Variants in PIP5K1B observed in about 807,000 individuals in gnomAD.
PIP5K1B encodes the protein phosphatidylinositol-4-phosphate 5-kinase type 1 beta.
Under a neutral mutation model 67.0 loss-of-function variants are expected in PIP5K1B, and 42 were observed. The observed-to-expected ratio is 0.63, with a 90% CI of 0.49 to 0.81. The LOEUF (loss-of-function observed/expected upper bound fraction) is 0.81, where lower values mean the gene tolerates loss of function less well. Among genes scored for constraint, PIP5K1B ranks in the 30% least tolerant of loss-of-function variants. The pLI, the probability that PIP5K1B is intolerant of heterozygous loss-of-function variation, is 0.00. For synonymous variants in PIP5K1B, 214 were observed against 231.4 expected (o/e 0.92, Z 0.68); for missense variants, 459 against 646.3 (o/e 0.71, Z 3.14).
chr9:68,893,413 A>G (rs1053794508), intron 7 of PIP5K1B, among the ~76,000 whole-genome samples: 3 of 136,258 alleles, frequency 2.2e-5, no homozygotes, highest in African/African-American at 5.5e-5. Flanking sequence ...GGCTTAGTGC[A>G]ACCTCTGCCT....
chr9:68,835,044 A>G (rs1834525997), intron 4 of PIP5K1B, among the ~76,000 whole-genome samples: 1 of 152,192 alleles, frequency 6.6e-6, no homozygotes, highest in African/African-American at 2.4e-5. Context: ...AGGATTTGGG[A>G]TCGTTTGGCA....
At chr9:68,994,037 ATTTTT>A (rs67700788) in intron 15 of PIP5K1B, among the ~76,000 whole-genome samples, 1 of 118,592 alleles carries the variant, frequency 8.4e-6, no homozygotes, top group Non-Finnish European at 1.7e-5. Flanking sequence ...TTTTTCCTGA[ATTTTT>A]TTTTTTTTTT....
Position 68,856,808 on chromosome 9 carries a change from A to T in PIP5K1B, c.70-7029A>T, listed in dbSNP as rs116455715. On this transcript the variant is annotated intron_variant, in intron 4 of 15. Transcript: ENST00000265382. Reference sequence around the variant, plus strand: ...TGGGGGCAACACGGGAAAAAATGCCAGGGTCAATCCTGAAGTAGAGGAGTG... The same window carrying T: ...TGGGGGCAACACGGGAAAAAATGCCTGGGTCAATCCTGAAGTAGAGGAGTG... Among the ~76,000 whole-genome samples, 1,307 of 152,332 alleles carry T rather than the reference A, an allele frequency of 8.6e-3. 21 individuals carry two copies. Among genetic ancestry groups the T allele is most frequent in the African/African-American group, 0.03 (1,257 of 41,564 alleles).
chr9:68,790,400 A>G (rs1490562484), intron 2 of PIP5K1B, among the ~76,000 whole-genome samples: 1 of 152,246 alleles, frequency 6.6e-6, no homozygotes, highest in Non-Finnish European at 1.5e-5. Context: ...GGAACAAACC[A>G]TCAAAAACCA....
intron 2 of PIP5K1B, among the ~76,000 whole-genome samples, chr9:68,800,664 C>T (rs927613460): frequency 4.6e-5 from 7 of 152,190 alleles, no homozygotes; most frequent in Non-Finnish European, 7.3e-5. Context: ...TCAGCTGCCA[C>T]GCTCTGTATC....
At chr9:68,737,017 T>C (rs1344896858) in intron 1 of PIP5K1B, among the ~76,000 whole-genome samples, 1 of 152,210 alleles carries the variant, frequency 6.6e-6, no homozygotes, top group African/African-American at 2.4e-5. Flanking sequence ...TATAATTATA[T>C]ACTTTGACCT....
chr9:68,928,737 T>C (rs1454639565), intron 12 of PIP5K1B, among the ~76,000 whole-genome samples: 1 of 152,252 alleles, frequency 6.6e-6, no homozygotes, highest in African/African-American at 2.4e-5. Flanking sequence ...AAAATAGTCC[T>C]GCTACAGTGG....
Position 68,919,443 on chromosome 9 carries a change from T to C in PIP5K1B, c.984-36T>C, listed in dbSNP as rs747501321. On this transcript the variant is annotated intron_variant, in intron 9 of 15. Coordinates refer to ENST00000265382, the MANE Select transcript of PIP5K1B (RefSeq NM_003558.4). ...TTTTTAACTTCCTATTCTTATAATA[T>C]GTAATCAAATATTTTCTCTTTTGCT... 8 of 990,852 alleles carry C rather than the reference T, an allele frequency of 8.1e-6. No homozygotes were observed. In the Admixed American group the frequency reaches 9.2e-5, roughly 11 times the overall value. 61.4% of individuals were successfully genotyped at this position (990,852 alleles called of 1,614,324 possible).
chr9:68,814,017 G>T (rs1043294394), intron 2 of PIP5K1B, among the ~76,000 whole-genome samples: 1 of 152,196 alleles, frequency 6.6e-6, no homozygotes, highest in African/African-American at 2.4e-5. Flanking sequence ...CGCACAAAAT[G>T]AAAGTCCCAC....
intron 14 of PIP5K1B, among the ~76,000 whole-genome samples, chr9:68,979,016 G>T (rs62569167): frequency 0.13 from 19,194 of 152,172 alleles, 1,319 homozygotes; most frequent in East Asian, 0.25. Context: ...ACTATTCCTT[G>T]TTCCTTTGAT....
chr9:68,865,723 C>A (rs1373259759), intron 5 of PIP5K1B, among the ~76,000 whole-genome samples: 2 of 152,208 alleles, frequency 1.3e-5, no homozygotes, highest in Non-Finnish European at 2.9e-5. Context: ...AACACTGGCA[C>A]ACCTGGAACT....
At chr9:68,861,390 T>C (rs1331431969) in intron 4 of PIP5K1B, among the ~76,000 whole-genome samples, 3 of 152,212 alleles carry the variant, frequency 2.0e-5, no homozygotes, top group Non-Finnish European at 4.4e-5. Context: ...GTATACCCAG[T>C]GATTCTCATG....
At chr9:68,846,347 CA>C (rs1374551187) in intron 4 of PIP5K1B, among the ~76,000 whole-genome samples, 1 of 152,172 alleles carries the variant, frequency 6.6e-6, no homozygotes, top group Non-Finnish European at 1.5e-5. Context: ...ATTGCTATGC[CA>C]GTCATTTAAA....
intron 2 of PIP5K1B, among the ~76,000 whole-genome samples, chr9:68,803,348 G>GT (rs1832705963): frequency 6.6e-6 from 1 of 152,228 alleles, no homozygotes; most frequent in Non-Finnish European, 1.5e-5. Context: ...GTAGGTTGCA[G>GT]TTAAACCCAT....
chr9:68,715,592 C>A (rs925615922), intron 1 of PIP5K1B, among the ~76,000 whole-genome samples: 1 of 152,210 alleles, frequency 6.6e-6, no homozygotes, highest in Admixed American at 6.5e-5. Context: ...AGGGCTTCAA[C>A]AGTATGATTA....
At chr9:68,917,965 A>C (rs1826183404) in intron 9 of PIP5K1B, among the ~76,000 whole-genome samples, 1 of 152,116 alleles carries the variant, frequency 6.6e-6, no homozygotes. Flanking sequence ...TCCTTCACCC[A>C]CTTGGTTTCT....
At chr9:68,793,786 A>G (rs1832134732) in intron 2 of PIP5K1B, among the ~76,000 whole-genome samples, 1 of 152,326 alleles carries the variant, frequency 6.6e-6, no homozygotes, top group Middle Eastern at 3.4e-3. Context: ...TTCAGGAAAG[A>G]GGGCTGGACT....
intron 1 of PIP5K1B, among the ~76,000 whole-genome samples, chr9:68,732,784 A>G (rs1419235062): frequency 6.6e-6 from 1 of 152,170 alleles, no homozygotes; most frequent in African/African-American, 2.4e-5. Flanking sequence ...TGGAGTAGAA[A>G]GGTCTGCTGT....
intron 11 of PIP5K1B, among the ~76,000 whole-genome samples, chr9:68,921,491 T>G (rs902282669): frequency 1.3e-5 from 2 of 152,118 alleles, no homozygotes; most frequent in African/African-American, 2.4e-5. Flanking sequence ...TCCCCTCCTG[T>G]TTTCTGAGAC....
Sources: allele counts gnomAD v4.1 joint callset (sites outside exome capture counted in the v4.1 genomes callset), GRCh38; gene constraint gnomAD v4.1.1; transcripts MANE v1.5; gene names NCBI Gene and HGNC (gene_info 2026-07-23, HGNC 2026-07-21).